The following WNK1 variants were observed in gnomAD, a reference collection of about 807,000 sequenced individuals.
WNK1 encodes the protein serine/threonine-protein kinase WNK1.
Under a neutral mutation model 222.8 loss-of-function variants are expected in WNK1, and 38 were observed. The ratio of observed to expected loss-of-function variants is 0.17; its 90% CI spans 0.13 to 0.22. The LOEUF (loss-of-function observed/expected upper bound fraction) is 0.22, where lower values mean the gene tolerates loss of function less well. Ranked by LOEUF, WNK1 falls within the 10% of genes least tolerant of loss-of-function variation. WNK1 has a pLI of 1.00. For missense variants in WNK1, 2,348 were observed against 2,918.4 expected, an observed-to-expected ratio of 0.80 and a Z score of 4.50; for synonymous variants, 1,090 against 1,092.9, an observed-to-expected ratio of 1.00 and a Z score of 0.05.
chr12:798,726 A>G (rs1192161520), intron 1 of WNK1, among the ~76,000 whole-genome samples: 1 of 152,166 alleles, frequency 6.6e-6, no homozygotes, highest in Admixed American at 6.5e-5. Context: ...CATGTATAAT[A>G]AACTTTGCCT....
chr12:869,019 T>C lies in WNK1; in HGVS notation c.2140-2246T>C, dbSNP rs1951919535. The stretch of plus-strand genomic sequence containing the variant: ...CAGACAGTGTTACAAGAATCCCCAC[T>C]TTTCTTCTGTTTCCCCCAAGGAACC... On this transcript the variant is annotated intron_variant, in intron 8 of 27. Transcript: ENST00000315939. The C allele has an allele frequency of 1.9e-6, 3 of 1,611,538 alleles. No homozygotes were observed. In the African/African-American group the frequency reaches 4.0e-5, roughly 22 times the overall value.
rs769585420 is a variant in WNK1 at position 880,892 on chromosome 12, A to G, written c.3004A>G (p.Asn1002Asp). The change falls in exon 12 of 28, where the codon AAT (asparagine) becomes GAT (aspartate). Residue 1002 changes from asparagine to aspartate, a missense_variant. Around this residue, in one of 13 missense-constraint regions of WNK1, gnomAD observed 547 missense variants for 558.3 expected, o/e 0.98. Coordinates refer to ENST00000315939, the MANE Select transcript of WNK1 (RefSeq NM_018979.4). Reference sequence around the variant, plus strand: ...AGTGGTGCAGCCTTATGTGGAATCAAATCTTTTAGTTCCTATGGGTGGTGT... The same window carrying G: ...AGTGGTGCAGCCTTATGTGGAATCAGATCTTTTAGTTCCTATGGGTGGTGT... ...PTVVQPYVESNLLVPMGGVGG... is the reference protein window; with the variant it reads ...PTVVQPYVESDLLVPMGGVGG... 6.2e-7 allele frequency: 1 copy of G among 1,614,162 alleles called. No homozygotes were observed. Among genetic ancestry groups the G allele is most frequent in the Non-Finnish European group, 8.5e-7 (1 of 1,180,024 alleles).
At chr12:757,324 TTTTTTTTTTAA>T (rs1370649199) in intron 1 of WNK1, among the ~76,000 whole-genome samples, 31 of 102,266 alleles carry the variant, frequency 3.0e-4, no homozygotes, top group Admixed American at 1.3e-3. Context: ...TTTTTTTTTT[TTTTTTTTTTAA>T]AAAAAAAAAG....
chr12:879,537 T>TTTCTTTTTTTTTTTTTTTTTTTTTTA (rs1952947121), intron 10 of WNK1, 36 bp from the exon 11 acceptor site: 1 of 969,488 alleles, frequency 1.0e-6, no homozygotes, highest in East Asian at 2.6e-5. Context: ...TTTTTTTTTT[T>TTTCTTTTTTTTTTTTTTTTTTTTTTA]AAGCCTGTCT....
chr12:838,784 T>C (rs1431728432), intron 4 of WNK1, among the ~76,000 whole-genome samples: 2 of 152,130 alleles, frequency 1.3e-5, no homozygotes, highest in African/African-American at 4.8e-5. Flanking sequence ...GATGACTTCA[T>C]CTTAACTAAT....
intron 8 of WNK1, chr12:867,880 G>T: frequency 6.2e-7 from 1 of 1,613,814 alleles, no homozygotes. Flanking sequence ...AGTCCATGGC[G>T]CATCCGTGTG....
At chr12:895,249 C>T (rs1394893778) in intron 23 of WNK1, among the ~76,000 whole-genome samples, 1 of 152,036 alleles carries the variant, frequency 6.6e-6, no homozygotes, top group Non-Finnish European at 1.5e-5. Flanking sequence ...TATAGGTGGG[C>T]TGAGTTTGTA....
At chr12:882,139 GGTC>G in intron 14 of WNK1, 66 bp downstream of exon 14, 1 of 1,504,852 alleles carries the variant, frequency 6.6e-7, no homozygotes, top group South Asian at 1.2e-5. Flanking sequence ...AGATTTTAGA[GGTC>G]ATCAAATCCA....
At chr12:780,885 C>G (rs1022496735) in intron 1 of WNK1, among the ~76,000 whole-genome samples, 2 of 152,126 alleles carry the variant, frequency 1.3e-5, no homozygotes, top group Non-Finnish European at 2.9e-5. Context: ...GGATTTTTAC[C>G]TTGGTACAGT....
intron 10 of WNK1, among the ~76,000 whole-genome samples, chr12:878,752 A>G (rs1456421605): frequency 7.5e-6 from 1 of 133,150 alleles, no homozygotes; most frequent in East Asian, 2.3e-4. Flanking sequence ...CTTTATTTTC[A>G]TGTAGATTTC....
rs35813354 is a variant in WNK1 at position 762,062 on chromosome 12, ATT to A, written c.759+7752_759+7753del. ...CCTGTATAGTTTATTTTTTAATTTA[ATT>A]TTTTTTTTTTTTTGAGGCTGAGTCT... On this transcript the variant is annotated intron_variant, in intron 1 of 27. Transcript: ENST00000315939. 4.6e-4 allele frequency among the ~76,000 whole-genome samples: 57 copies of A among 122,644 alleles called. 2 individuals carry two copies. Among genetic ancestry groups the A allele is most frequent in the East Asian group, 1.6e-3 (7 of 4,394 alleles). 80.5% of individuals were successfully genotyped at this position (122,644 alleles called of 152,430 possible). A position where few individuals can be genotyped will look rare whatever the true frequency, so the allele number is the denominator to read the frequency against.
intron 4 of WNK1, among the ~76,000 whole-genome samples, chr12:843,085 G>A (rs1158724161): frequency 2.0e-5 from 3 of 152,134 alleles, no homozygotes; most frequent in East Asian, 1.9e-4. Context: ...ACAGGCACCC[G>A]CCACCATGCC....
At chr12:791,380 T>A (rs1241527607) in intron 1 of WNK1, among the ~76,000 whole-genome samples, 1 of 151,976 alleles carries the variant, frequency 6.6e-6, no homozygotes, top group Non-Finnish European at 1.5e-5. Flanking sequence ...GATAACAGAG[T>A]GGCTGTTATA....
At chr12:793,483 A>G (rs1945030541) in intron 1 of WNK1, among the ~76,000 whole-genome samples, 1 of 152,202 alleles carries the variant, frequency 6.6e-6, no homozygotes, top group Non-Finnish European at 1.5e-5. Flanking sequence ...AAACATTGGA[A>G]ATAATTATTC....
intron 26 of WNK1, chr12:906,222 A>C: frequency 1.3e-6 from 1 of 792,806 alleles, no homozygotes; most frequent in South Asian, 5.8e-5. Context: ...GTAACACGTG[A>C]GATCTGGTAA....
chr12:882,258 A>G (rs1281954844), intron 14 of WNK1, among the ~76,000 whole-genome samples, 185 bp downstream of exon 14: 10 of 151,742 alleles, frequency 6.6e-5, no homozygotes, highest in Admixed American at 5.2e-4. Context: ...GTGCAGTGGC[A>G]TGATCTCTTC....
intron 2 of WNK1, among the ~76,000 whole-genome samples, chr12:814,336 AG>A (rs1386710186): frequency 5.3e-5 from 8 of 151,016 alleles, no homozygotes; most frequent in African/African-American, 1.7e-4. Flanking sequence ...AAAAAAAAAA[AG>A]AGTGGCTAAG....
intron 1 of WNK1, among the ~76,000 whole-genome samples, chr12:811,665 A>G (rs1441641325): frequency 6.6e-6 from 1 of 152,152 alleles, no homozygotes; most frequent in African/African-American, 2.4e-5. Context: ...GGGTGCTAAA[A>G]TTATGTACTT....
At chr12:819,644 A>C (rs1240224861) in intron 2 of WNK1, among the ~76,000 whole-genome samples, 1 of 152,336 alleles carries the variant, frequency 6.6e-6, no homozygotes, top group East Asian at 1.9e-4. Flanking sequence ...TGTCATAAAT[A>C]ACCAAGGGCA....
Sources: allele counts gnomAD v4.1 joint callset (sites outside exome capture counted in the v4.1 genomes callset), GRCh38; gene constraint gnomAD v4.1.1; regional missense constraint gnomAD v4.1.1; transcripts MANE v1.5; gene names NCBI Gene and HGNC (gene_info 2026-07-23, HGNC 2026-07-21).